GPD1L: variants seen among roughly 807,000 people sequenced by gnomAD.
GPD1L encodes glycerol-3-phosphate dehydrogenase 1 like.
A neutral mutation model predicts 32.9 loss-of-function variants in GPD1L; 17 were observed. The observed-to-expected ratio is 0.52, with a 90% CI of 0.35 to 0.78. The LOEUF is 0.78. Ranked by LOEUF, GPD1L falls within the 30% of genes least tolerant of loss-of-function variation. The pLI, the probability that GPD1L is intolerant of heterozygous loss-of-function variation, is 0.01. For synonymous variants in GPD1L, 187 were observed against 165.9 expected (o/e 1.13, Z -0.98); for missense variants, 361 against 447.8 (o/e 0.81, Z 1.75).
At chr3:32,125,830 C>T (rs1018198315) in intron 1 of GPD1L, among the ~76,000 whole-genome samples, 1 of 152,112 alleles carries the variant, frequency 6.6e-6, no homozygotes, top group African/African-American at 2.4e-5. Context: ...TATTTGATGA[C>T]TGAGATAAAT....
chr3:32,118,668 T>C (rs1159640508), intron 1 of GPD1L, among the ~76,000 whole-genome samples: 2 of 152,186 alleles, frequency 1.3e-5, no homozygotes, highest in East Asian at 1.9e-4. Context: ...AATGTTCACA[T>C]TGTTCGTATT....
At chr3:32,135,556 G>T (rs80030418) in intron 2 of GPD1L, among the ~76,000 whole-genome samples, 4,480 of 152,220 alleles carry the variant, frequency 0.029, 315 homozygotes, top group East Asian at 0.25. Context: ...AGGTTCAAGT[G>T]ATTCTCATGC....
Position 32,158,974 on chromosome 3 carries a change from T to C in GPD1L, c.717T>C (p.Ala239=), listed in dbSNP as rs769487681. ...VIRLGLMEMI[A]FARIFCKGQV... is the part of the protein sequence containing the mutation. ...GCCTGGGACTCATGGAAATGATTGCTTTTGCCAGGATCTTCTGCAAAGGCC... is the reference window on the plus strand; with the variant it reads ...GCCTGGGACTCATGGAAATGATTGCCTTTGCCAGGATCTTCTGCAAAGGCC... Residue 239 remains alanine (A), a synonymous_variant, in exon 6 of 8, where the codon GCT becomes GCC. Coordinates refer to ENST00000282541, the MANE Select transcript of GPD1L (RefSeq NM_015141.4). 1.9e-6 allele frequency: 3 copies of C among 1,614,100 alleles called. No individual in the cohort carries two copies. The highest frequency in any genetic ancestry group is 1.7e-6 in the Non-Finnish European group (2 of 1,180,014).
chr3:32,121,685 CTA>C lies in GPD1L; in HGVS notation c.48-6381_48-6380del, dbSNP rs1173566829. On this transcript the variant is annotated intron_variant, in intron 1 of 7. Coordinates refer to ENST00000282541, the MANE Select transcript of GPD1L (RefSeq NM_015141.4). ...TATATATATTTCTATGTGTATATTT[CTA>C]TATATATATTTATATATATATTTCT... Among the ~76,000 whole-genome samples the C allele has an allele frequency of 5.8e-4, 73 of 125,434 alleles. 1 individual carries two copies. The South Asian group carries it at 0.015, about 26-fold the overall frequency. The allele number at this position is 125,434 out of a possible 152,430, so 82.3% of individuals were successfully genotyped here.
rs531913428 is a variant in GPD1L at position 32,115,375 on chromosome 3, C to T, written c.47+8617C>T. On this transcript the variant is annotated intron_variant, in intron 1 of 7. Coordinates refer to ENST00000282541, the MANE Select transcript of GPD1L (RefSeq NM_015141.4). ...CATTTTTACAGAGTGCTGATTGGTG[C>T]GTTTACAATACTTTAGCTAGGCAGA... 1.4e-4 allele frequency among the ~76,000 whole-genome samples: 22 copies of T among 152,282 alleles called. No homozygotes were observed. The East Asian group carries it at 2.5e-3, about 17-fold the overall frequency.
chr3:32,108,173 C>T (rs1168131335), intron 1 of GPD1L, among the ~76,000 whole-genome samples: 3 of 151,960 alleles, frequency 2.0e-5, no homozygotes, highest in Non-Finnish European at 4.4e-5. Flanking sequence ...CTGAGGTGGG[C>T]CCAGGAGTTT....
intron 5 of GPD1L, among the ~76,000 whole-genome samples, chr3:32,155,870 T>G (rs1459724287): frequency 9.9e-5 from 15 of 152,216 alleles, no homozygotes; most frequent in Non-Finnish European, 1.9e-4. Context: ...TAGGTCACAC[T>G]GTGACAATGT....
At chr3:32,162,152 C>T (rs1231627064) in intron 7 of GPD1L, among the ~76,000 whole-genome samples, 1 of 152,118 alleles carries the variant, frequency 6.6e-6, no homozygotes, top group African/African-American at 2.4e-5. Context: ...TGTTCTTATC[C>T]ACAAAATTAA....
chr3:32,158,961 T>C lies in GPD1L; in HGVS notation c.704T>C (p.Met235Thr). 2 of 1,614,102 alleles carry C rather than the reference T, an allele frequency of 1.2e-6. No individual in the cohort carries two copies. Among genetic ancestry groups the C allele is most frequent in the South Asian group, 1.1e-5 (1 of 91,078 alleles). ...GCGGCCGTCATCCGCCTGGGACTCATGGAAATGATTGCTTTTGCCAGGATC... is the reference window on the plus strand; with the variant it reads ...GCGGCCGTCATCCGCCTGGGACTCACGGAAATGATTGCTTTTGCCAGGATC... ...TKAAVIRLGL[M>T]EMIAFARIFC... Residue 235 changes from methionine to threonine, a missense_variant, in exon 6 of 8, where the codon ATG becomes ACG. Physicochemically the swap from Met to Thr is moderately conservative, Grantham distance 81. Coordinates refer to ENST00000282541, the MANE Select transcript of GPD1L (RefSeq NM_015141.4).
At chr3:32,158,063 G>A (rs1044580340) in intron 5 of GPD1L, among the ~76,000 whole-genome samples, 2 of 152,204 alleles carry the variant, frequency 1.3e-5, no homozygotes, top group African/African-American at 4.8e-5. Flanking sequence ...CGTAGTCACC[G>A]GAGGGCATGT....
At chr3:32,153,406 G>A (rs1320097378) in intron 5 of GPD1L, among the ~76,000 whole-genome samples, 1 of 152,232 alleles carries the variant, frequency 6.6e-6, no homozygotes, top group African/African-American at 2.4e-5. Context: ...GCTGACTAAT[G>A]GCTACTGTAT....
chr3:32,161,206 A>G (rs1701069755), intron 7 of GPD1L, among the ~76,000 whole-genome samples: 1 of 152,152 alleles, frequency 6.6e-6, no homozygotes, highest in Admixed American at 6.5e-5. Flanking sequence ...TTAATCAGCC[A>G]TGGAGTTCTG....
rs1700832993 is a variant in GPD1L, at chr3:32,146,752, G to A, written c.618+18G>A. 7.1e-7 allele frequency: 1 copy of A among 1,416,954 alleles called. No individual in the cohort carries two copies. The highest frequency in any genetic ancestry group is 1.0e-6 in the Non-Finnish European group (1 of 1,001,854). 87.8% of individuals were successfully genotyped at this position (1,416,954 alleles called of 1,614,324 possible). Reference sequence around the variant, plus strand: ...CGCTTAAGGTAAAGTCAGCCTCAGGGGAGGAGTTCATCAAGCAAGGCAAAT... The same window carrying A: ...CGCTTAAGGTAAAGTCAGCCTCAGGAGAGGAGTTCATCAAGCAAGGCAAAT... On this transcript the variant is annotated intron_variant, in intron 5 of 7. Coordinates refer to ENST00000282541, the MANE Select transcript of GPD1L (RefSeq NM_015141.4).
intron 4 of GPD1L, among the ~76,000 whole-genome samples, chr3:32,143,146 A>G (rs748679796): frequency 1.6e-4 from 25 of 152,242 alleles, no homozygotes; most frequent in Admixed American, 2.6e-4. Context: ...TGCAGTGGCT[A>G]TGATCACGTC....
intron 2 of GPD1L, 121 bp downstream of exon 2, chr3:32,128,374 A>ATTGG (rs1190109601): frequency 5.3e-5 from 44 of 838,022 alleles, no homozygotes; most frequent in Non-Finnish European, 7.2e-5. Flanking sequence ...TCCACTACCA[A>ATTGG]TTGGTTGGTT....
At chr3:32,127,955 C>A in intron 1 of GPD1L, 121 bp from the exon 2 acceptor site, 1 of 760,246 alleles carries the variant, frequency 1.3e-6, no homozygotes. Context: ...CACGTCACAT[C>A]TTGAGTAGGC....
At chr3:32,112,883 G>A (rs1419786651) in intron 1 of GPD1L, among the ~76,000 whole-genome samples, 1 of 152,078 alleles carries the variant, frequency 6.6e-6, no homozygotes, top group Non-Finnish European at 1.5e-5. Context: ...CCCTATGTTA[G>A]ATGACATAAC....
At chr3:32,155,524 G>C (rs1158365581) in intron 5 of GPD1L, among the ~76,000 whole-genome samples, 2 of 152,106 alleles carry the variant, frequency 1.3e-5, no homozygotes, top group African/African-American at 4.8e-5. Flanking sequence ...GATGGAGGGG[G>C]AAATAGGGAC....
Position 32,159,125 on chromosome 3 carries a change from C to T in GPD1L, c.852+16C>T, listed in dbSNP as rs1701041201. The T allele has an allele frequency of 6.3e-7, 1 of 1,576,974 alleles. No individual in the cohort carries two copies. ...AACTGGGAAGGTAGCCCCTCACCTG[C>T]TCTCCCGCACCCCCTCCTTCCTCAC... On this transcript the variant is annotated intron_variant, in intron 6 of 7. Coordinates refer to ENST00000282541, the MANE Select transcript of GPD1L (RefSeq NM_015141.4).
Sources: gnomAD v4.1 joint callset for allele counts (sites outside exome capture counted in the v4.1 genomes callset) on GRCh38, gnomAD v4.1.1 for gene constraint, MANE v1.5 for transcripts, NCBI Gene and HGNC (gene_info 2026-07-23, HGNC 2026-07-21) for gene names.